Variants in ENPP7 observed in about 807,000 individuals in gnomAD.
ENPP7 encodes the protein ectonucleotide pyrophosphatase/phosphodiesterase family member 7.
Under a neutral mutation model 33.6 loss-of-function variants are expected in ENPP7, and 39 were observed. The observed-to-expected ratio is 1.16, with a 90% confidence interval of 0.90 to 1.52. The LOEUF is 1.52. Ranked by LOEUF, ENPP7 falls within the 40% of genes most tolerant of loss-of-function variation. ENPP7 has a pLI of 0.00. For synonymous variants in ENPP7, 244 were observed against 274.3 expected, an observed-to-expected ratio of 0.89 and a Z score of 1.09; for missense variants, 594 against 641.0, an observed-to-expected ratio of 0.93 and a Z score of 0.79.
At chr17:79,733,876 T>C (rs1332228487) in intron 2 of ENPP7, among the ~76,000 whole-genome samples, 1 of 152,082 alleles carries the variant, frequency 6.6e-6, no homozygotes, top group Non-Finnish European at 1.5e-5. Flanking sequence ...GCTCGGCCCA[T>C]GGACACAGCC....
At position 79,735,698 on chromosome 17, in the gene ENPP7, C is replaced by T; in HGVS notation, c.1026+29C>T. On this transcript the variant is annotated intron_variant, in intron 3 of 5. Coordinates refer to ENST00000328313, the MANE Select transcript of ENPP7 (RefSeq NM_178543.5). The surrounding 1 kb of genome is among the most constrained non-coding windows in gnomAD (Gnocchi z 5.5). The stretch of plus-strand genomic sequence containing the variant: ...AGTCGCCTGCTGGAGGCACCACCTC[C>T]AGGGGCTCCCTCCCCAGGCTCTGGG... 6.4e-7 allele frequency: 1 copy of T among 1,574,718 alleles called. No individual in the cohort carries two copies.
chr17:79,731,455 G>A, intron 1 of ENPP7, 63 bp downstream of exon 1: 1 of 1,539,486 alleles, frequency 6.5e-7, no homozygotes, highest in Non-Finnish European at 8.8e-7. Context: ...ATGGCACAGA[G>A]CCGTGTCGTG....
rs188838308 is a variant in ENPP7, at chr17:79,732,468, G to A, written c.254-1040G>A. Among the ~76,000 whole-genome samples the A allele has an allele frequency of 9.9e-5, 15 of 152,124 alleles. No homozygotes were observed. The East Asian group carries it at 1.9e-3, about 20-fold the overall frequency. Reference sequence around the variant, plus strand: ...CAGACTGGCTTAAACCCACAGAAACGGATCCGCATGCTTCTGGAGGCCAGA... The same window carrying A: ...CAGACTGGCTTAAACCCACAGAAACAGATCCGCATGCTTCTGGAGGCCAGA... On this transcript the variant is annotated intron_variant, in intron 1 of 5. Coordinates refer to ENST00000328313, the MANE Select transcript of ENPP7 (RefSeq NM_178543.5).
intron 1 of ENPP7, 66 bp downstream of exon 1, chr17:79,731,458 G>A (rs543366053): frequency 2.3e-5 from 35 of 1,533,062 alleles, no homozygotes; most frequent in South Asian, 1.8e-4. Context: ...GCACAGAGCC[G>A]TGTCGTGCAG....
chr17:79,731,018 T>G lies in ENPP7; in HGVS notation c.-122T>G. 8.7e-7 allele frequency: 1 copy of G among 1,151,546 alleles called. No homozygotes were observed. The highest frequency in any genetic ancestry group is 1.2e-6 in the Non-Finnish European group (1 of 837,374). The allele number at this position is 1,151,546 out of a possible 1,614,324, so 71.3% of individuals were successfully genotyped here. On this transcript the variant is annotated 5_prime_UTR_variant, in exon 1 of 6. Transcript: ENST00000328313. ...ACTCCCGAGGTTCGACCCGGGGATG[T>G]GCACAGCCACATTCCAAAGGCGCAC...
intron 1 of ENPP7, 78 bp from the exon 2 acceptor site, chr17:79,733,430 G>T: frequency 1.4e-6 from 2 of 1,478,262 alleles, no homozygotes; most frequent in African/African-American, 2.8e-5. Context: ...TTTTGACTTC[G>T]CCTCTTCCAG....
At chr17:79,734,175 G>A (rs1249116590) in intron 2 of ENPP7, among the ~76,000 whole-genome samples, 1 of 150,382 alleles carries the variant, frequency 6.6e-6, no homozygotes, top group Non-Finnish European at 1.5e-5. Flanking sequence ...AATGCTCTGG[G>A]GGCTTCCTGG....
At chr17:79,732,121 CATATATATATGTATATATATATATAT>C (rs2094287001) in intron 1 of ENPP7, among the ~76,000 whole-genome samples, 1 of 48,782 alleles carries the variant, frequency 2.0e-5, no homozygotes, top group African/African-American at 7.1e-5. Flanking sequence ...TATATATATA[CATATATATATGTATATATATATATAT>C]ATACACACAC....
Position 79,737,076 on chromosome 17 carries a change from C to T in ENPP7, c.1062C>T (p.Gly354=), listed in dbSNP as rs1199991979. The stretch of plus-strand genomic sequence containing the variant: ...TCCAGTTCAACAATGGGGAGCACGG[C>T]TTTGACAACAAGGACATGGACATGA... The part of the protein sequence containing the change: ...INVQFNNGEH[G]FDNKDMDMKT... Residue 354 remains glycine, a synonymous_variant, in exon 4 of 6, where the codon GGC becomes GGT. Coordinates refer to ENST00000328313, the MANE Select transcript of ENPP7 (RefSeq NM_178543.5). This position sits in a 1 kb window ranked among gnomAD's most constrained non-coding sequence, Gnocchi z 5.5. 5 of 1,614,084 alleles carry T rather than the reference C, an allele frequency of 3.1e-6. No individual in the cohort carries two copies. The highest frequency in any genetic ancestry group is 3.4e-6 in the Non-Finnish European group (4 of 1,180,052).
chr17:79,741,178 A>C lies in ENPP7; in HGVS notation c.*17-616A>C, dbSNP rs192217370. On this transcript the variant is annotated intron_variant, in intron 5 of 5. Transcript: ENST00000328313. ...TTTTTAATTTTTAATTTAAAAAAAG[A>C]AAAGCAAGCTATGTTGCCCAGGCTG... 2.6e-5 allele frequency among the ~76,000 whole-genome samples: 4 copies of C among 152,248 alleles called. No homozygotes were observed. In the East Asian group the frequency reaches 5.8e-4, roughly 22 times the overall value.
intron 1 of ENPP7, among the ~76,000 whole-genome samples, chr17:79,732,207 G>A (rs2094288015): frequency 7.7e-6 from 1 of 129,656 alleles, no homozygotes; most frequent in Non-Finnish European, 1.7e-5. Flanking sequence ...AGTCCAGGAG[G>A]TAGAGGCTGC....
intron 2 of ENPP7, among the ~76,000 whole-genome samples, chr17:79,734,612 G>A (rs975571949): frequency 1.3e-5 from 2 of 152,120 alleles, no homozygotes; most frequent in Non-Finnish European, 1.5e-5. Flanking sequence ...CAAGTAACTG[G>A]GACTACAGGC....
intron 2 of ENPP7, among the ~76,000 whole-genome samples, chr17:79,734,309 C>T (rs2094291330): frequency 6.6e-6 from 1 of 152,092 alleles, no homozygotes; most frequent in African/African-American, 2.4e-5. Flanking sequence ...TTCCCTCACT[C>T]CAGAAGGATC....
rs1555823502 is a variant in ENPP7, at chr17:79,735,802, G to A, written c.1026+133G>A. On this transcript the variant is annotated intron_variant, in intron 3 of 5. Transcript: ENST00000328313. This position sits in a 1 kb window ranked among gnomAD's most constrained non-coding sequence, Gnocchi z 5.5. ...TGCAATGGCAGGATCTCAGCTCACT[G>A]CAGCCTTAAACTCCCAGACTCAAGC... 3.6e-6 allele frequency: 3 copies of A among 834,244 alleles called. No homozygotes were observed. The African/African-American group carries it at 5.1e-5, about 14-fold the overall frequency. The allele number at this position is 834,244 out of a possible 1,614,324, so 51.7% of individuals were successfully genotyped here.
At position 79,737,332 on chromosome 17, in the gene ENPP7, C is replaced by G. The variant is rs1034945930; in HGVS notation, c.1246+72C>G. 6.0e-6 allele frequency: 8 copies of G among 1,328,950 alleles called. No individual in the cohort carries two copies. The East Asian group carries it at 2.0e-4, about 34-fold the overall frequency. 82.3% of individuals were successfully genotyped at this position (1,328,950 alleles called of 1,614,324 possible). The stretch of plus-strand genomic sequence containing the variant: ...GTGTGCACACGAGGGTGCCTGCATG[C>G]CTGTGACCAGGACACCCTTGAGCCC... On this transcript the variant is annotated intron_variant, in intron 4 of 5. Coordinates refer to ENST00000328313, the MANE Select transcript of ENPP7 (RefSeq NM_178543.5). The surrounding 1 kb of genome is among the most constrained non-coding windows in gnomAD (Gnocchi z 5.5).
rs781935109 is a variant in ENPP7 at position 79,737,871 on chromosome 17, A to G, written c.1247-45A>G. ...AGTTTACTGTGGAGAGGCTGGGGTG[A>G]GGAGCCATCCCTCTCTCCCTCACAG... On this transcript the variant is annotated intron_variant, in intron 4 of 5. Coordinates refer to ENST00000328313, the MANE Select transcript of ENPP7 (RefSeq NM_178543.5). This position sits in a 1 kb window ranked among gnomAD's most constrained non-coding sequence, Gnocchi z 5.5. 2 of 1,606,522 alleles carry G rather than the reference A, an allele frequency of 1.2e-6. No individual in the cohort carries two copies. Among genetic ancestry groups the G allele is most frequent in the South Asian group, 1.1e-5 (1 of 90,952 alleles).
chr17:79,740,289 C>G (rs1277660500), intron 5 of ENPP7, among the ~76,000 whole-genome samples: 1 of 152,102 alleles, frequency 6.6e-6, no homozygotes, highest in Non-Finnish European at 1.5e-5. Context: ...CCATTCATGC[C>G]AAATGTCACA....
chr17:79,736,372 T>C (rs2094295772), intron 3 of ENPP7, among the ~76,000 whole-genome samples: 1 of 152,200 alleles, frequency 6.6e-6, no homozygotes, highest in South Asian at 2.1e-4. Context: ...ACTTCCTGTT[T>C]CTAGCTGGTC....
rs1171801654 is a variant in ENPP7 at position 79,732,149 on chromosome 17, T to TATACAC, written c.253+758_253+759insTACACA. ...ATATATATGTATATATATATATATA[T>TATACAC]ACACACACATATATATATATATGAG... On this transcript the variant is annotated intron_variant, in intron 1 of 5. Transcript: ENST00000328313. 8.0e-3 allele frequency among the ~76,000 whole-genome samples: 272 copies of TATACAC among 34,152 alleles called. 6 individuals carry two copies. The highest frequency in any genetic ancestry group is 0.027 in the African/African-American group (265 of 9,826). The allele number at this position is 34,152 out of a possible 152,430, so 22.4% of individuals were successfully genotyped here.
Sources: allele counts gnomAD v4.1 joint callset (sites outside exome capture counted in the v4.1 genomes callset), GRCh38; gene constraint gnomAD v4.1.1; non-coding constraint Gnocchi (gnomAD v3.1); transcripts MANE v1.5; gene names NCBI Gene and HGNC (gene_info 2026-07-23, HGNC 2026-07-21).